Variants in SLC25A41 observed in about 807,000 individuals in gnomAD.
SLC25A41 encodes mitochondrial carrier protein SCaMC-3L.
SLC25A41 carries 35 observed loss-of-function variants against 34.7 expected under a neutral mutation model. That is an observed-to-expected ratio of 1.01 (90% CI 0.77 to 1.34). The LOEUF is 1.34. Ranked by LOEUF, SLC25A41 falls within the 40% of genes most tolerant of loss-of-function variation. The pLI, the probability that SLC25A41 is intolerant of heterozygous loss-of-function variation, is 0.00. For missense variants in SLC25A41, 492 were observed against 489.8 expected, an observed-to-expected ratio of 1.00 and a Z score of -0.04; for synonymous variants, 190 against 209.9, an observed-to-expected ratio of 0.91 and a Z score of 0.82.
chr19:6,432,210 G>A lies in SLC25A41; in HGVS notation c.208-6C>T, dbSNP rs1217358163. 1 of 1,611,238 alleles carries A rather than the reference G, an allele frequency of 6.2e-7. No individual in the cohort carries two copies. The highest frequency in any genetic ancestry group is 2.2e-5 in the East Asian group (1 of 44,792). ...TGCTCTCCTGTGTCCAGTACCTGCA[G>A]GGCAGACCCGGCCCTCCCTCATCCT... is the stretch of plus-strand genomic sequence containing the variant. On this transcript the variant is annotated splice_polypyrimidine_tract_variant and splice_region_variant and intron_variant, in intron 1 of 6. Coordinates refer to ENST00000321510, the MANE Select transcript of SLC25A41 (RefSeq NM_173637.4).
chr19:6,432,033 C>G lies in SLC25A41; in HGVS notation c.363+16G>C, dbSNP rs541807223. 4.7e-5 allele frequency: 76 copies of G among 1,604,754 alleles called. No homozygotes were observed. The South Asian group carries it at 7.7e-4, about 16-fold the overall frequency. On this transcript the variant is annotated intron_variant, in intron 2 of 6. Coordinates refer to ENST00000321510, the MANE Select transcript of SLC25A41 (RefSeq NM_173637.4). ...CTCCAGCGCTGGGTCCCGTCCTCCCCCCAACCCACACAAACCTGCATGTAC... is the reference window on the plus strand; with the variant it reads ...CTCCAGCGCTGGGTCCCGTCCTCCCGCCAACCCACACAAACCTGCATGTAC...
At chr19:6,428,369 G>A (rs572481931) in intron 4 of SLC25A41, among the ~76,000 whole-genome samples, 37 of 148,036 alleles carry the variant, frequency 2.5e-4, no homozygotes, top group African/African-American at 9.0e-4. Context: ...TCGTGCCACT[G>A]CACTCCAGCC....
At position 6,433,478 on chromosome 19, in the gene SLC25A41, T is replaced by C; in HGVS notation, c.207+9A>G. ...GAGGTGCCGGGACACTGGTGTTTCC[T>C]AAACTCACCTGCTGTGACGGGAGAT... On this transcript the variant is annotated intron_variant, in intron 1 of 6. Coordinates refer to ENST00000321510, the MANE Select transcript of SLC25A41 (RefSeq NM_173637.4). 1.2e-6 allele frequency: 2 copies of C among 1,611,964 alleles called. No individual in the cohort carries two copies. Among genetic ancestry groups the C allele is most frequent in the South Asian group, 1.1e-5 (1 of 91,006 alleles).
chr19:6,434,862 T>C (rs571222436), upstream of SLC25A41, among the ~76,000 whole-genome samples: 1 of 152,170 alleles, frequency 6.6e-6, no homozygotes, highest in South Asian at 2.1e-4. Context: ...TGGGCCGAGA[T>C]TGAGCCATTG....
At chr19:6,429,962 G>C in intron 3 of SLC25A41, 47 bp downstream of exon 3, 1 of 1,601,944 alleles carries the variant, frequency 6.2e-7, no homozygotes, top group Non-Finnish European at 8.5e-7. Context: ...GGGGGCATGG[G>C]AGGGGTTTGG....
chr19:6,431,484 G>A (rs1010712225), intron 2 of SLC25A41, among the ~76,000 whole-genome samples: 3 of 150,522 alleles, frequency 2.0e-5, no homozygotes, highest in Non-Finnish European at 4.4e-5. Flanking sequence ...CTGTTGCCCA[G>A]GCTGGAGTGC....
At chr19:6,426,981 C>T (rs2092244842) in intron 6 of SLC25A41, 122 bp downstream of exon 6, 2 of 1,137,038 alleles carry the variant, frequency 1.8e-6, no homozygotes, top group East Asian at 2.6e-5. Context: ...CAAAAGTTAT[C>T]AAAAGTGGGC....
upstream of SLC25A41, chr19:6,436,093 T>C: frequency 4.9e-6 from 1 of 203,878 alleles, no homozygotes; most frequent in South Asian, 8.5e-5. Context: ...CATGTAGGTA[T>C]ATATGTATTA....
chr19:6,433,919 T>C, upstream of SLC25A41: 1 of 454,076 alleles, frequency 2.2e-6, no homozygotes, highest in Non-Finnish European at 3.9e-6. Context: ...CGTTATAAAT[T>C]GAATTGTGTC....
upstream of SLC25A41, among the ~76,000 whole-genome samples, chr19:6,434,005 G>T (rs781228866): frequency 6.6e-6 from 1 of 152,120 alleles, no homozygotes; most frequent in African/African-American, 2.4e-5. Flanking sequence ...GTGCAGTGGC[G>T]CTATCTTGGC....
Position 6,427,614 on chromosome 19 carries a change from G to C in SLC25A41, c.625-113C>G. 1 of 1,251,806 alleles carries C rather than the reference G, an allele frequency of 8.0e-7. No individual in the cohort carries two copies. The allele number at this position is 1,251,806 out of a possible 1,614,324, so 77.5% of individuals were successfully genotyped here. ...GGAAAATGAGGCTCAGGAAGGCAAA[G>C]AGCTGGGTTTCAGACCCGGATCTGT... On this transcript the variant is annotated intron_variant, in intron 4 of 6. Transcript: ENST00000321510. The surrounding 1 kb of genome is among the most constrained non-coding windows in gnomAD (Gnocchi z 4.9).
At position 6,427,514 on chromosome 19, in the gene SLC25A41, G is replaced by A; in HGVS notation, c.625-13C>T. On this transcript the variant is annotated splice_polypyrimidine_tract_variant and intron_variant, in intron 4 of 6. Transcript: ENST00000321510. The surrounding 1 kb of genome is among the most constrained non-coding windows in gnomAD (Gnocchi z 4.9). ...GCGTCTTCAGCACCTGAGGATGGCG[G>A]GGAACAAGGCAGCTCATTTGATTGA... 6.6e-7 allele frequency: 1 copy of A among 1,504,498 alleles called. No individual in the cohort carries two copies. Among genetic ancestry groups the A allele is most frequent in the Non-Finnish European group, 8.9e-7 (1 of 1,118,122 alleles). 93.2% of individuals were successfully genotyped at this position (1,504,498 alleles called of 1,614,324 possible).
At chr19:6,433,214 A>G (rs1369259612) in intron 1 of SLC25A41, among the ~76,000 whole-genome samples, 1 of 151,338 alleles carries the variant, frequency 6.6e-6, no homozygotes, top group Admixed American at 6.6e-5. Flanking sequence ...ATGCCTGGCT[A>G]AGTTTTGTAA....
At chr19:6,432,678 TC>T (rs1431365039) in intron 1 of SLC25A41, among the ~76,000 whole-genome samples, 1 of 150,874 alleles carries the variant, frequency 6.6e-6, no homozygotes, top group African/African-American at 2.4e-5. Flanking sequence ...GCAACCGCTG[TC>T]CCCCTGGTTC....
intron 4 of SLC25A41, among the ~76,000 whole-genome samples, chr19:6,429,144 A>AAT (rs1206360642): frequency 3.3e-5 from 1 of 30,712 alleles, no homozygotes; most frequent in Non-Finnish European, 5.0e-5. Flanking sequence ...ATATATATAT[A>AAT]ATATATATAT....
chr19:6,435,829 C>T (rs575143325), upstream of SLC25A41, among the ~76,000 whole-genome samples: 1 of 152,158 alleles, frequency 6.6e-6, no homozygotes, highest in East Asian at 1.9e-4. Context: ...TGCACTCCAG[C>T]CTGGGTGACA....
At chr19:6,435,208 A>G (rs1371866113), upstream of SLC25A41, among the ~76,000 whole-genome samples, 1 of 145,794 alleles carries the variant, frequency 6.9e-6, no homozygotes, top group Non-Finnish European at 1.5e-5. Flanking sequence ...TGGGTGACAG[A>G]GCGAGACCCT....
Position 6,432,243 on chromosome 19 carries a change from G to A in SLC25A41, c.208-39C>T, listed in dbSNP as rs759134575. ...CCGGCCCTCCCTCATCCTCAGCCAG[G>A]TTGGGGCACCTTCCCCAGACACACA... On this transcript the variant is annotated intron_variant, in intron 1 of 6. Coordinates refer to ENST00000321510, the MANE Select transcript of SLC25A41 (RefSeq NM_173637.4). 3.8e-6 allele frequency: 6 copies of A among 1,595,918 alleles called. No individual in the cohort carries two copies. In the East Asian group the frequency reaches 9.0e-5, roughly 24 times the overall value.
rs747500904 is a variant in SLC25A41 at position 6,427,777 on chromosome 19, G to A, written c.625-276C>T. Among the ~76,000 whole-genome samples the A allele has an allele frequency of 4.6e-5, 7 of 152,084 alleles. No individual in the cohort carries two copies. The highest frequency in any genetic ancestry group is 9.7e-5 in the African/African-American group (4 of 41,402). ...TGAGGCGGGAGGATCGCTTGAGGCC[G>A]GGAGTTCGAGACCAGCCTGGGCAAC... On this transcript the variant is annotated intron_variant, in intron 4 of 6. Transcript: ENST00000321510. This position sits in a 1 kb window ranked among gnomAD's most constrained non-coding sequence, Gnocchi z 4.9.
Sources: gnomAD v4.1 joint callset for allele counts (sites outside exome capture counted in the v4.1 genomes callset) on GRCh38, gnomAD v4.1.1 for gene constraint, Gnocchi (gnomAD v3.1) non-coding constraint, MANE v1.5 for transcripts, NCBI Gene and HGNC (gene_info 2026-07-23, HGNC 2026-07-21) for gene names.